RBKS: variants seen among roughly 807,000 people sequenced by gnomAD.
RBKS encodes the protein ribokinase.
In RBKS, 33 loss-of-function variants were observed where a neutral mutation model predicts 33.9. That is an observed-to-expected ratio of 0.97 (90% CI 0.74 to 1.30). The LOEUF (loss-of-function observed/expected upper bound fraction) is 1.30. Ranked by LOEUF, RBKS falls within the 50% of genes most tolerant of loss-of-function variation. RBKS has a pLI of 0.00. For missense variants in RBKS, 361 were observed against 392.6 expected, an observed-to-expected ratio of 0.92 and a Z score of 0.68; for synonymous variants, 125 against 143.0, an observed-to-expected ratio of 0.87 and a Z score of 0.90.
At chr2:27,825,232 C>G (rs187418420) in intron 7 of RBKS, among the ~76,000 whole-genome samples, 12 of 152,264 alleles carry the variant, frequency 7.9e-5, no homozygotes, top group African/African-American at 2.6e-4. Context: ...TGTGCAAATG[C>G]ACACTCACTT....
chr2:27,858,703 A>G (rs767866742), intron 1 of RBKS, 132 bp from the exon 2 acceptor site: 157 of 733,618 alleles, frequency 2.1e-4, no homozygotes, highest in Non-Finnish European at 3.2e-4. Flanking sequence ...AGCAGAAGCA[A>G]CGAAGATTAT....
intron 1 of RBKS, among the ~76,000 whole-genome samples, chr2:27,863,017 G>T (rs1303201717): frequency 1.4e-5 from 2 of 146,116 alleles, no homozygotes; most frequent in Admixed American, 1.4e-4. Context: ...AAAAAAAGAG[G>T]TTTAACAGAG....
At chr2:27,816,428 AG>A (rs1272426019) in intron 7 of RBKS, among the ~76,000 whole-genome samples, 3 of 152,102 alleles carry the variant, frequency 2.0e-5, no homozygotes, top group Non-Finnish European at 4.4e-5. Context: ...TCCAGCCACC[AG>A]AGTGTGCAGA....
At chr2:27,786,838 T>G (rs1324616690) in intron 7 of RBKS, among the ~76,000 whole-genome samples, 1 of 149,990 alleles carries the variant, frequency 6.7e-6, no homozygotes, top group East Asian at 2.0e-4. Context: ...CTGAAAACAC[T>G]CTTAAAATCA....
At chr2:27,834,609 A>C (rs1320584975) in intron 5 of RBKS, among the ~76,000 whole-genome samples, 2 of 152,194 alleles carry the variant, frequency 1.3e-5, no homozygotes, top group Non-Finnish European at 2.9e-5. Context: ...TCAATTACAC[A>C]TAAAGGCTCT....
At chr2:27,866,929 C>A (rs1243670266) in intron 1 of RBKS, among the ~76,000 whole-genome samples, 1 of 152,012 alleles carries the variant, frequency 6.6e-6, no homozygotes, top group Non-Finnish European at 1.5e-5. Context: ...CATAGTGAGA[C>A]CTTGTCTCTA....
intron 2 of RBKS, among the ~76,000 whole-genome samples, chr2:27,852,308 T>C (rs1663765622): frequency 1.3e-5 from 2 of 152,338 alleles, no homozygotes; most frequent in South Asian, 4.1e-4. Context: ...TTAACTTTGA[T>C]TACATTTAAA....
At chr2:27,853,381 T>C (rs4447576) in intron 2 of RBKS, among the ~76,000 whole-genome samples, 50,830 of 147,230 alleles carry the variant, frequency 0.35, 10,466 homozygotes, top group East Asian at 0.63. Flanking sequence ...AAAAGGCCTT[T>C]GGGCTGGTGG....
intron 5 of RBKS, among the ~76,000 whole-genome samples, chr2:27,835,926 T>C (rs1281510186): frequency 2.6e-5 from 4 of 151,934 alleles, no homozygotes; most frequent in African/African-American, 7.3e-5. Flanking sequence ...TTAAAACACA[T>C]AGTATCTGGC....
At chr2:27,868,402 C>A (rs1473298634) in intron 1 of RBKS, among the ~76,000 whole-genome samples, 6 of 152,106 alleles carry the variant, frequency 3.9e-5, no homozygotes, top group African/African-American at 1.2e-4. Flanking sequence ...ATCAAAAAAA[C>A]ACATAGCTGT....
chr2:27,889,320 T>C (rs1664647356), intron 1 of RBKS, among the ~76,000 whole-genome samples: 1 of 152,334 alleles, frequency 6.6e-6, no homozygotes, highest in South Asian at 2.1e-4. Context: ...TATTACCCTT[T>C]GGAAAAGCAA....
intron 5 of RBKS, among the ~76,000 whole-genome samples, chr2:27,840,308 T>C (rs1259401784): frequency 2.1e-5 from 3 of 144,720 alleles, no homozygotes; most frequent in Admixed American, 1.4e-4. Context: ...TCTTCTTGCA[T>C]ATGAGAATGA....
rs1388247357 is a variant in RBKS, at chr2:27,840,378, A to ACGCG, written c.514+2688_514+2689insCGCG. On this transcript the variant is annotated intron_variant, in intron 5 of 7. Transcript: ENST00000302188. ...CACGCGCGCGCGCACACACACACAC[A>ACGCG]CACACACACACACACACCCTCCTCA... Among the ~76,000 whole-genome samples, 1,252 of 150,772 alleles carry ACGCG rather than the reference A, an allele frequency of 8.3e-3. 19 individuals are homozygous for ACGCG. The highest frequency in any genetic ancestry group is 0.029 in the African/African-American group (1,169 of 40,992).
intron 7 of RBKS, among the ~76,000 whole-genome samples, chr2:27,820,963 C>A (rs201195448): frequency 1.4e-5 from 2 of 142,006 alleles, no homozygotes; most frequent in Non-Finnish European, 3.0e-5. Context: ...TCGCTTGAAC[C>A]GGGGAGGCAG....
chr2:27,811,881 C>A (rs1677992515), intron 7 of RBKS, among the ~76,000 whole-genome samples: 1 of 152,012 alleles, frequency 6.6e-6, no homozygotes, highest in Non-Finnish European at 1.5e-5. Context: ...AGTGCTGGAA[C>A]TAAGACTCCT....
intron 1 of RBKS, among the ~76,000 whole-genome samples, chr2:27,889,272 G>A (rs1180472448): frequency 6.6e-6 from 1 of 152,144 alleles, no homozygotes; most frequent in Non-Finnish European, 1.5e-5. Context: ...GACTTATTTT[G>A]ATTGTCCCAA....
chr2:27,804,665 T>C (rs1157686822), intron 7 of RBKS, among the ~76,000 whole-genome samples: 2 of 152,168 alleles, frequency 1.3e-5, no homozygotes, highest in Non-Finnish European at 2.9e-5. Context: ...AGGCAACAGG[T>C]TTAGCTTCCT....
rs1447387241 is a variant in RBKS, at chr2:27,793,709, TA to T, written c.796-11922del. ...TGATAAAAAACCACTATTGGGACAT[TA>T]CAGGACTGTACATATAAGATTATCT... On this transcript the variant is annotated intron_variant, in intron 7 of 7. Transcript: ENST00000302188. Among the ~76,000 whole-genome samples, 8 of 152,344 alleles carry T rather than the reference TA, an allele frequency of 5.3e-5. No individual in the cohort carries two copies. In the East Asian group the frequency reaches 1.5e-3, roughly 29 times the overall value.
chr2:27,875,658 C>G (rs1664298813), intron 1 of RBKS, among the ~76,000 whole-genome samples: 1 of 152,136 alleles, frequency 6.6e-6, no homozygotes, highest in African/African-American at 2.4e-5. Context: ...GATAAGTGTT[C>G]AAAGAAGTTC....
Sources: allele counts gnomAD v4.1 joint callset (sites outside exome capture counted in the v4.1 genomes callset), GRCh38; gene constraint gnomAD v4.1.1; transcripts MANE v1.5; gene names NCBI Gene and HGNC (gene_info 2026-07-23, HGNC 2026-07-21).